The following ZNF143 variants were observed in gnomAD, a reference collection of about 807,000 sequenced individuals.
The protein encoded by ZNF143 is zinc finger protein 143, also known as SPH-binding factor.
In ZNF143, 49 loss-of-function variants were observed where a neutral mutation model predicts 74.1. That is an observed-to-expected ratio of 0.66 (90% CI 0.53 to 0.84). ZNF143 has a LOEUF of 0.84. ZNF143 is among the 40% of genes least tolerant of loss of function. The pLI is 0.00. For missense variants in ZNF143, 637 were observed against 793.4 expected (o/e 0.80, Z 2.37); for synonymous variants, 304 against 282.8 (o/e 1.07, Z -0.75).
At chr11:9,482,173 T>C (rs1261292689) in intron 7 of ZNF143, among the ~76,000 whole-genome samples, 1 of 149,592 alleles carries the variant, frequency 6.7e-6, no homozygotes, top group African/African-American at 2.5e-5. Context: ...GGTTTCACCA[T>C]GTTAGCCAGG....
intron 14 of ZNF143, among the ~76,000 whole-genome samples, chr11:9,521,027 G>GA (rs1264520510): frequency 6.6e-6 from 1 of 152,124 alleles, no homozygotes; most frequent in Admixed American, 6.5e-5. Context: ...CCACAAAATT[G>GA]AGAGGTAGGT....
chr11:9,478,587 G>A lies in ZNF143; in HGVS notation c.570+1G>A, dbSNP rs766863109. On this transcript the variant is annotated splice_donor_variant, in intron 6 of 15. Coordinates refer to ENST00000396602, the MANE Select transcript of ZNF143 (RefSeq NM_003442.6). LOFTEE classifies it high-confidence loss of function. ...TGCTTTGGAACAGTATGCAGCAAAG[G>A]TATAGCATTTCACAATGTCAAGAAT... 1 of 1,605,520 alleles carries A rather than the reference G, an allele frequency of 6.2e-7. No homozygotes were observed. Among genetic ancestry groups the A allele is most frequent in the African/African-American group, 1.3e-5 (1 of 74,870 alleles).
chr11:9,512,503 A>AGGGGACGACGTTGTT lies in ZNF143; in HGVS notation c.1432_1446dup (p.Gly478_Val482dup), dbSNP rs1179089254. ...AGATTACGTATGTTACAGGTGTAGA[A>AGGGGACGACGTTGTT]GGGGACGACGTTGTTTCTACACAAG... is the stretch of plus-strand genomic sequence containing the variant. On this transcript the variant is annotated inframe_insertion, in exon 13 of 16. Coordinates refer to ENST00000396602, the MANE Select transcript of ZNF143 (RefSeq NM_003442.6). 1 of 1,614,174 alleles carries AGGGGACGACGTTGTT rather than the reference A, an allele frequency of 6.2e-7. No individual in the cohort carries two copies. The highest frequency in any genetic ancestry group is 8.5e-7 in the Non-Finnish European group (1 of 1,180,018).
intron 7 of ZNF143, among the ~76,000 whole-genome samples, chr11:9,482,739 A>G (rs1847297565): frequency 6.6e-6 from 1 of 150,442 alleles, no homozygotes; most frequent in Admixed American, 6.6e-5. Flanking sequence ...AATGTCCAAT[A>G]CGGTTGCCAC....
At position 9,525,572 on chromosome 11, in the gene ZNF143, A is replaced by G. The variant is rs186414309; in HGVS notation, c.1833+186A>G. The G allele has an allele frequency of 7.9e-4, 599 of 756,448 alleles. 3 individuals are homozygous for G. In the African/African-American group the frequency reaches 9.3e-3, roughly 12 times the overall value. The allele number at this position is 756,448 out of a possible 1,614,324, so 46.9% of individuals were successfully genotyped here. A position where few individuals can be genotyped will look rare whatever the true frequency, so the allele number is the denominator to read the frequency against. Reference sequence around the variant, plus strand: ...CAAAAAGACCAGCACTTTGTTCTCTACCCATCTTTGCATATTCTAGGGGAA... The same window carrying G: ...CAAAAAGACCAGCACTTTGTTCTCTGCCCATCTTTGCATATTCTAGGGGAA... On this transcript the variant is annotated intron_variant, in intron 15 of 15. Coordinates refer to ENST00000396602, the MANE Select transcript of ZNF143 (RefSeq NM_003442.6).
In ZNF143 at chr11:9,481,974, C is replaced by CTT. The variant is rs71034714; in HGVS notation, c.645+2441_645+2442dup. The stretch of plus-strand genomic sequence containing the variant: ...AATGTCATTAAAAAAACCCATTACT[C>CTT]TTTTTTTTTTTTTTGAGGTGGAGTC... On this transcript the variant is annotated intron_variant, in intron 7 of 15. Coordinates refer to ENST00000396602, the MANE Select transcript of ZNF143 (RefSeq NM_003442.6). 2.3e-3 allele frequency among the ~76,000 whole-genome samples: 287 copies of CTT among 122,258 alleles called. 1 individual carries two copies. The highest frequency in any genetic ancestry group is 6.2e-3 in the East Asian group (26 of 4,212). The allele number at this position is 122,258 out of a possible 152,430, so 80.2% of individuals were successfully genotyped here. A position where few individuals can be genotyped will look rare whatever the true frequency, so the allele number is the denominator to read the frequency against.
chr11:9,486,420 T>TAATA (rs368754514), intron 7 of ZNF143, among the ~76,000 whole-genome samples: 1 of 31,038 alleles, frequency 3.2e-5, no homozygotes, highest in Non-Finnish European at 6.4e-5. Flanking sequence ...ATAATATATA[T>TAATA]TATATATATT....
intron 7 of ZNF143, 145 bp from the exon 8 acceptor site, chr11:9,494,499 CAG>C: frequency 1.5e-6 from 1 of 672,802 alleles, no homozygotes; most frequent in East Asian, 3.0e-5. Context: ...TGTATAGAGA[CAG>C]GGTTTTGTCA....
rs1342099097 is a variant in ZNF143 at position 9,508,613 on chromosome 11, C to T, written c.1148-6C>T. 5.0e-6 allele frequency: 8 copies of T among 1,607,238 alleles called. No homozygotes were observed. In the African/African-American group the frequency reaches 1.1e-4, roughly 21 times the overall value. On this transcript the variant is annotated splice_polypyrimidine_tract_variant and splice_region_variant and intron_variant, in intron 11 of 15. Transcript: ENST00000396602. ...AGTTGAACTTTTTTTTGGTGTTGCT[C>T]TTTAGGAGAAAAGCCATATGTTTGT... is the stretch of plus-strand genomic sequence containing the variant.
chr11:9,461,351 TG>T (rs1855823489), intron 1 of ZNF143, among the ~76,000 whole-genome samples: 1 of 152,200 alleles, frequency 6.6e-6, no homozygotes. Flanking sequence ...GCGCCCCGCC[TG>T]TTTCCCTCAG....
At chr11:9,497,887 G>A in intron 10 of ZNF143, 87 bp downstream of exon 10, 2 of 1,037,458 alleles carry the variant, frequency 1.9e-6, no homozygotes, top group Non-Finnish European at 2.6e-6. Flanking sequence ...CTGGAGTGCA[G>A]TGGTGCAATC....
At chr11:9,465,954 A>C (rs557407257) in intron 1 of ZNF143, among the ~76,000 whole-genome samples, 3 of 150,990 alleles carry the variant, frequency 2.0e-5, no homozygotes, top group East Asian at 2.0e-4. Flanking sequence ...CAGCCTCCCA[A>C]GTGGCTTGGT....
At chr11:9,507,223 GA>G (rs1848396924) in intron 11 of ZNF143, among the ~76,000 whole-genome samples, 1 of 152,124 alleles carries the variant, frequency 6.6e-6, no homozygotes, top group Admixed American at 6.6e-5. Flanking sequence ...GGAATGTGTC[GA>G]ATGAGAATAA....
Position 9,516,226 on chromosome 11 carries a change from A to G in ZNF143, c.1550A>G (p.Gln517Arg). 1 of 1,614,040 alleles carries G rather than the reference A, an allele frequency of 6.2e-7. No individual in the cohort carries two copies. Among genetic ancestry groups the G allele is most frequent in the Non-Finnish European group, 8.5e-7 (1 of 1,179,900 alleles). ...QHVNISQADM[Q>R]AIGNTITMVT... ...GTCAACATATCTCAAGCTGACATGC[A>G]GGCCATTGGCAACACCATCACAATG... The change falls in exon 14 of 16, where the codon CAG becomes CGG. Residue 517 changes from glutamine (Q) to arginine (R), a missense_variant. By Grantham distance (43) the Gln-to-Arg change is conservative. This residue lies in a region of ZNF143 where 344 missense variants were observed against 485.6 expected (regional missense o/e 0.71). Coordinates refer to ENST00000396602, the MANE Select transcript of ZNF143 (RefSeq NM_003442.6).
chr11:9,472,794 T>C, intron 3 of ZNF143, 25 bp downstream of exon 3: 1 of 1,508,670 alleles, frequency 6.6e-7, no homozygotes. Flanking sequence ...TATGGCTGAT[T>C]GGTTAATACC....
At chr11:9,470,661 C>G (rs1034575828) in intron 1 of ZNF143, among the ~76,000 whole-genome samples, 2 of 152,094 alleles carry the variant, frequency 1.3e-5, no homozygotes, top group Non-Finnish European at 2.9e-5. Context: ...AAATGAGGGG[C>G]AAGATCATTG....
At chr11:9,466,351 A>G (rs753039747) in intron 1 of ZNF143, among the ~76,000 whole-genome samples, 23 of 150,516 alleles carry the variant, frequency 1.5e-4, no homozygotes, top group Non-Finnish European at 2.9e-4. Context: ...GCTGGAGTGC[A>G]ATGATGTGAT....
intron 12 of ZNF143, among the ~76,000 whole-genome samples, chr11:9,511,127 T>TTTTTTTA (rs1848527503): frequency 7.1e-6 from 1 of 139,908 alleles, no homozygotes; most frequent in African/African-American, 2.8e-5. Flanking sequence ...TTTTTTTTTT[T>TTTTTTTA]GAGACGGAGT....
At chr11:9,518,727 A>C (rs1448717772) in intron 14 of ZNF143, among the ~76,000 whole-genome samples, 2 of 152,102 alleles carry the variant, frequency 1.3e-5, no homozygotes, top group African/African-American at 4.8e-5. Flanking sequence ...TAAAGAAAAA[A>C]AAAAAAAAGC....
Sources: allele counts gnomAD v4.1 joint callset (sites outside exome capture counted in the v4.1 genomes callset), GRCh38; gene constraint gnomAD v4.1.1; regional missense constraint gnomAD v4.1.1; transcripts MANE v1.5; gene names NCBI Gene and HGNC (gene_info 2026-07-23, HGNC 2026-07-21).